DLG1: variants seen among roughly 807,000 people sequenced by gnomAD.
DLG1 encodes the protein discs large MAGUK scaffold protein 1.
Under a neutral mutation model 123.4 loss-of-function variants are expected in DLG1, and 42 were observed. That is an observed-to-expected ratio of 0.34 (90% CI 0.27 to 0.44). DLG1 has a LOEUF of 0.44. Among genes scored for constraint, DLG1 ranks in the 20% least tolerant of loss-of-function variants. The pLI is 1.00. For synonymous variants in DLG1, 317 were observed against 356.2 expected (o/e 0.89, Z 1.24); for missense variants, 942 against 1,082.6 (o/e 0.87, Z 1.82).
intron 3 of DLG1, among the ~76,000 whole-genome samples, chr3:197,292,224 CCAT>C (rs1775278188): frequency 6.6e-6 from 1 of 152,318 alleles, no homozygotes; most frequent in African/African-American, 2.4e-5. Context: ...ACCCAACTGT[CCAT>C]CAATGGATGG....
chr3:197,086,227 C>A (rs1275999500), intron 15 of DLG1, among the ~76,000 whole-genome samples: 1 of 152,142 alleles, frequency 6.6e-6, no homozygotes, highest in Non-Finnish European at 1.5e-5. Flanking sequence ...TCCATTTGTT[C>A]ACAATACTAG....
At chr3:197,117,619 T>A (rs1309711828) in intron 12 of DLG1, among the ~76,000 whole-genome samples, 1 of 152,046 alleles carries the variant, frequency 6.6e-6, no homozygotes. Flanking sequence ...CTATCCAGAA[T>A]AGGCAAATTC....
intron 4 of DLG1, among the ~76,000 whole-genome samples, chr3:197,197,165 TTCAATGCAGACC>T (rs1722961759): frequency 6.6e-6 from 1 of 152,216 alleles, no homozygotes; most frequent in Non-Finnish European, 1.5e-5. Flanking sequence ...CATGGGGCCC[TTCAATGCAGACC>T]TTTTGCTTCC....
At chr3:197,242,750 C>G (rs1318376876) in intron 4 of DLG1, among the ~76,000 whole-genome samples, 1 of 152,024 alleles carries the variant, frequency 6.6e-6, no homozygotes, top group Admixed American at 6.6e-5. Context: ...CATACCAAAG[C>G]TATGGAATAC....
At chr3:197,239,596 T>TA (rs1375139738) in intron 4 of DLG1, among the ~76,000 whole-genome samples, 1 of 12,306 alleles carries the variant, frequency 8.1e-5, no homozygotes, top group Non-Finnish European at 2.2e-4. Context: ...GCAAATCAGA[T>TA]TGACAGCATA....
intron 4 of DLG1, among the ~76,000 whole-genome samples, chr3:197,257,062 A>G (rs1237799346): frequency 2.0e-5 from 3 of 152,138 alleles, no homozygotes; most frequent in African/African-American, 7.2e-5. Flanking sequence ...CACTATTAAA[A>G]CCTAACTTAA....
chr3:197,191,192 G>C (rs1719289829), intron 5 of DLG1, among the ~76,000 whole-genome samples: 1 of 152,032 alleles, frequency 6.6e-6, no homozygotes, highest in Admixed American at 6.5e-5. Flanking sequence ...TGAATTTTTT[G>C]AATTAATTTA....
chr3:197,222,156 A>G (rs1303115430), intron 4 of DLG1, among the ~76,000 whole-genome samples: 1 of 152,214 alleles, frequency 6.6e-6, no homozygotes, highest in East Asian at 1.9e-4. Context: ...GGATACGAAC[A>G]GCTGACTGCA....
chr3:197,155,914 A>G (rs771210273), intron 5 of DLG1, among the ~76,000 whole-genome samples: 5 of 152,164 alleles, frequency 3.3e-5, no homozygotes, highest in African/African-American at 4.8e-5. Flanking sequence ...GCACCACTGC[A>G]CTCCAGCCTG....
At chr3:197,293,788 G>A (rs955908908) in intron 3 of DLG1, 3 of 153,816 alleles carry the variant, frequency 2.0e-5, no homozygotes, top group Non-Finnish European at 4.4e-5. Flanking sequence ...TCCAAATTAA[G>A]GAAGTGAAAA....
intron 5 of DLG1, among the ~76,000 whole-genome samples, chr3:197,168,326 A>C (rs1802433440): frequency 6.6e-6 from 1 of 152,246 alleles, no homozygotes; most frequent in African/African-American, 2.4e-5. Flanking sequence ...ATCAACACAC[A>C]CAATTCCCTA....
At chr3:197,282,581 C>A in intron 4 of DLG1, 98 bp downstream of exon 4, 1 of 794,350 alleles carries the variant, frequency 1.3e-6, no homozygotes, top group Non-Finnish European at 1.8e-6. Flanking sequence ...TAACAAAATC[C>A]ACTTGTATAA....
chr3:197,286,355 G>A (rs895434510), intron 3 of DLG1, among the ~76,000 whole-genome samples: 1 of 152,178 alleles, frequency 6.6e-6, no homozygotes, highest in Admixed American at 6.5e-5. Context: ...AAGAGGGTGG[G>A]GGAGCTTCTG....
At chr3:197,183,983 G>A in intron 5 of DLG1, 1 of 1,419,412 alleles carries the variant, frequency 7.0e-7, no homozygotes, top group Non-Finnish European at 9.2e-7. Context: ...CTATGAAAGA[G>A]CTCGTATCTT....
chr3:197,297,968 C>G, intron 1 of DLG1: 1 of 976,328 alleles, frequency 1.0e-6, no homozygotes. Flanking sequence ...CCGCCGCACC[C>G]CCGCGGCCTC....
At chr3:197,155,452 T>C (rs553871372) in intron 5 of DLG1, among the ~76,000 whole-genome samples, 38 of 152,176 alleles carry the variant, frequency 2.5e-4, no homozygotes, top group African/African-American at 8.7e-4. Flanking sequence ...CAGTTCAGGT[T>C]GAAATGAAAG....
intron 23 of DLG1, among the ~76,000 whole-genome samples, chr3:197,052,551 G>C (rs959029994): frequency 2.6e-5 from 4 of 152,116 alleles, no homozygotes; most frequent in African/African-American, 9.7e-5. Context: ...AATGACAGAG[G>C]GTTTTAACAA....
At chr3:197,284,583 T>G (rs1326092615) in intron 3 of DLG1, among the ~76,000 whole-genome samples, 1 of 152,174 alleles carries the variant, frequency 6.6e-6, no homozygotes, top group Non-Finnish European at 1.5e-5. Flanking sequence ...TGATTCTATA[T>G]TCATCTGAAG....
In DLG1 at chr3:197,232,153, G is replaced by T. The variant is rs1450589993; in HGVS notation, c.319-37564C>A. Among the ~76,000 whole-genome samples, 6 of 152,168 alleles carry T rather than the reference G, an allele frequency of 3.9e-5. No individual in the cohort carries two copies. In the East Asian group the frequency reaches 1.2e-3, roughly 29 times the overall value. ...ATTTGAGCACAAAAAACAGCTATTT[G>T]GATTGCCACTCTACTCTGAGTGGCA... is the stretch of plus-strand genomic sequence containing the variant. On this transcript the variant is annotated intron_variant, in intron 4 of 24. Coordinates refer to ENST00000667157, the MANE Select transcript of DLG1 (RefSeq NM_001366207.1).
Sources: gnomAD v4.1 joint callset for allele counts (sites outside exome capture counted in the v4.1 genomes callset) on GRCh38, gnomAD v4.1.1 for gene constraint, MANE v1.5 for transcripts, NCBI Gene and HGNC (gene_info 2026-07-23, HGNC 2026-07-21) for gene names.